Variants in SHISA6 observed in about 807,000 individuals in gnomAD.
SHISA6 encodes the protein shisa family member 6, also known as protein shisa-6.
In SHISA6, 22 loss-of-function variants were observed where a neutral mutation model predicts 47.9. The observed-to-expected ratio is 0.46, with a 90% CI of 0.33 to 0.66. The LOEUF (loss-of-function observed/expected upper bound fraction) is 0.66, where lower values mean the gene tolerates loss of function less well. Among genes scored for constraint, SHISA6 ranks in the 30% least tolerant of loss-of-function variants. The pLI is 0.02. For synonymous variants in SHISA6, 388 were observed against 337.8 expected (o/e 1.15, Z -1.63); for missense variants, 680 against 764.6 (o/e 0.89, Z 1.30).
chr17:11,433,702 C>T (rs1461639548), intron 3 of SHISA6, among the ~76,000 whole-genome samples: 1 of 152,078 alleles, frequency 6.6e-6, no homozygotes, highest in African/African-American at 2.4e-5. Flanking sequence ...AAAAAATGAT[C>T]TAAAATCCTG....
intron 3 of SHISA6, among the ~76,000 whole-genome samples, chr17:11,394,015 A>G (rs1913480473): frequency 1.3e-5 from 2 of 152,224 alleles, no homozygotes; most frequent in East Asian, 3.8e-4. Flanking sequence ...TGAAAATTAT[A>G]TCTTTCATAA....
intron 2 of SHISA6, among the ~76,000 whole-genome samples, chr17:11,303,264 TGTGA>T (rs199774148): frequency 0.023 from 3,519 of 152,090 alleles, 120 homozygotes; most frequent in African/African-American, 0.079. Flanking sequence ...TGATTGTGGT[TGTGA>T]GTATGTGTGT....
chr17:11,398,120 G>A (rs550497127), intron 3 of SHISA6, among the ~76,000 whole-genome samples: 25 of 152,034 alleles, frequency 1.6e-4, no homozygotes, highest in Admixed American at 3.3e-4. Flanking sequence ...TTAGTTTTGC[G>A]TAATTTTGGG....
chr17:11,312,898 C>T (rs939170352), intron 2 of SHISA6, among the ~76,000 whole-genome samples: 2 of 152,152 alleles, frequency 1.3e-5, no homozygotes, highest in Middle Eastern at 6.8e-3. Flanking sequence ...ATCAAAATTA[C>T]TCCCATTTTT....
intron 3 of SHISA6, among the ~76,000 whole-genome samples, chr17:11,419,121 G>A (rs1029640871): frequency 1.3e-5 from 2 of 151,928 alleles, no homozygotes; most frequent in Non-Finnish European, 2.9e-5. Flanking sequence ...GCAAAATGAC[G>A]AGAGTTAATG....
intron 2 of SHISA6, among the ~76,000 whole-genome samples, chr17:11,327,030 T>A (rs1055988940): frequency 6.6e-6 from 1 of 152,034 alleles, no homozygotes; most frequent in African/African-American, 2.4e-5. Context: ...CTGGGTGGAG[T>A]GGGAGGAGCC....
At chr17:11,243,494 G>A (rs955718238) in intron 1 of SHISA6, among the ~76,000 whole-genome samples, 2 of 152,104 alleles carry the variant, frequency 1.3e-5, no homozygotes, top group Non-Finnish European at 2.9e-5. Context: ...TGCACCTCAT[G>A]TCTCAGATAG....
chr17:11,388,192 T>C (rs1394996953), intron 3 of SHISA6, among the ~76,000 whole-genome samples: 4 of 152,134 alleles, frequency 2.6e-5, no homozygotes, highest in African/African-American at 4.8e-5. Context: ...GGTTTGAGTA[T>C]ACCAAGGTGT....
intron 3 of SHISA6, among the ~76,000 whole-genome samples, chr17:11,410,015 TTG>T: frequency 6.6e-6 from 1 of 152,164 alleles, no homozygotes; most frequent in East Asian, 1.9e-4. Flanking sequence ...ACAGAATTAT[TTG>T]TGTTAATGGA....
At chr17:11,449,533 C>T (rs1461744806) in intron 3 of SHISA6, among the ~76,000 whole-genome samples, 1 of 152,000 alleles carries the variant, frequency 6.6e-6, no homozygotes, top group South Asian at 2.1e-4. Flanking sequence ...ATGAATGATG[C>T]GTCTCTTGAA....
At chr17:11,456,006 C>A (rs1358109054) in intron 3 of SHISA6, among the ~76,000 whole-genome samples, 1 of 125,186 alleles carries the variant, frequency 8.0e-6, no homozygotes, top group Non-Finnish European at 1.7e-5. Flanking sequence ...TAACAGCACC[C>A]AGACCTGTCC....
chr17:11,270,437 G>A (rs1277053464), intron 2 of SHISA6, among the ~76,000 whole-genome samples: 1 of 152,160 alleles, frequency 6.6e-6, no homozygotes. Flanking sequence ...GAGCTTGTAG[G>A]TTTCACAGTA....
chr17:11,405,330 G>A (rs894528666), intron 3 of SHISA6, among the ~76,000 whole-genome samples: 2 of 151,974 alleles, frequency 1.3e-5, no homozygotes, highest in East Asian at 1.9e-4. Context: ...TTCTGGTCCC[G>A]GAGTAAATTT....
At chr17:11,475,709 A>G (rs60051537) in intron 3 of SHISA6, among the ~76,000 whole-genome samples, 3,007 of 152,122 alleles carry the variant, frequency 0.02, 97 homozygotes, top group African/African-American at 0.066. Flanking sequence ...GGATTTTTGC[A>G]TCTATCTTCA....
At chr17:11,524,353 G>GA (rs1387149770) in intron 3 of SHISA6, among the ~76,000 whole-genome samples, 7 of 152,210 alleles carry the variant, frequency 4.6e-5, no homozygotes, top group Non-Finnish European at 8.8e-5. Context: ...AATTATGAAA[G>GA]AAAGTGTCCC....
chr17:11,518,302 C>A (rs1386171265), intron 3 of SHISA6, among the ~76,000 whole-genome samples: 1 of 152,158 alleles, frequency 6.6e-6, no homozygotes, highest in African/African-American at 2.4e-5. Context: ...ATGCTGGGCA[C>A]ATAGTGACAT....
chr17:11,305,775 C>T (rs537114203), intron 2 of SHISA6, among the ~76,000 whole-genome samples: 36 of 152,192 alleles, frequency 2.4e-4, no homozygotes, highest in Non-Finnish European at 4.9e-4. Flanking sequence ...TGCCCCGAGC[C>T]TCCACCTGCG....
intron 3 of SHISA6, among the ~76,000 whole-genome samples, chr17:11,463,470 A>G (rs1915740122): frequency 6.6e-6 from 1 of 152,252 alleles, no homozygotes; most frequent in African/African-American, 2.4e-5. Flanking sequence ...GATTAAAGAA[A>G]GAAGTGGAAA....
At chr17:11,326,343 T>C (rs911281701) in intron 2 of SHISA6, among the ~76,000 whole-genome samples, 3 of 151,994 alleles carry the variant, frequency 2.0e-5, no homozygotes, top group Non-Finnish European at 2.9e-5. Flanking sequence ...AGCTGCTTTC[T>C]CTACTCCCCT....
Sources: gnomAD v4.1 joint callset for allele counts (sites outside exome capture counted in the v4.1 genomes callset) on GRCh38, gnomAD v4.1.1 for gene constraint, MANE v1.5 for transcripts, NCBI Gene and HGNC (gene_info 2026-07-23, HGNC 2026-07-21) for gene names.